The following INTS9 variants were observed in gnomAD, a reference collection of about 807,000 sequenced individuals.
The protein encoded by INTS9 is protein related to CPSF subunits of 74 kDa.
In INTS9, 55 loss-of-function variants were observed where a neutral mutation model predicts 79.7. The ratio of observed to expected loss-of-function variants is 0.69; its 90% CI spans 0.56 to 0.86. The LOEUF (loss-of-function observed/expected upper bound fraction) is 0.86, where lower values mean the gene tolerates loss of function less well. Ranked by LOEUF, INTS9 falls within the 40% of genes least tolerant of loss-of-function variation. The probability of loss-of-function intolerance (pLI) is 0.00; values close to 1 mark genes in which losing one functional copy is unlikely to be tolerated. For synonymous variants in INTS9, 319 were observed against 325.2 expected (o/e 0.98, Z 0.20); for missense variants, 721 against 831.5 (o/e 0.87, Z 1.64).
chr8:28,806,252 A>G (rs930562155), intron 8 of INTS9, among the ~76,000 whole-genome samples: 1 of 152,164 alleles, frequency 6.6e-6, no homozygotes, highest in African/African-American at 2.4e-5. Context: ...CAAAACAAAA[A>G]AAACCAGGCA....
chr8:28,883,601 T>C (rs191696074), intron 1 of INTS9, among the ~76,000 whole-genome samples: 9 of 152,352 alleles, frequency 5.9e-5, no homozygotes, highest in African/African-American at 1.7e-4. Context: ...AATACAGTTT[T>C]GACCATTACA....
intron 8 of INTS9, among the ~76,000 whole-genome samples, chr8:28,803,242 GC>G (rs1585380628): frequency 6.6e-6 from 1 of 152,194 alleles, no homozygotes; most frequent in Non-Finnish European, 1.5e-5. Context: ...AGACAGAGTA[GC>G]CAAGAAGCTA....
At position 28,769,899 on chromosome 8, in the gene INTS9, G is replaced by A. The variant is rs1307830204; in HGVS notation, c.1790C>T (p.Thr597Ile). The A allele has an allele frequency of 1.5e-5, 24 of 1,614,126 alleles. No individual in the cohort carries two copies. Among genetic ancestry groups the A allele is most frequent in the Non-Finnish European group, 2.0e-5 (24 of 1,179,992 alleles). Residue 597 changes from threonine (T) to isoleucine (I), a missense_variant, in exon 16 of 17, where the codon ACC (threonine) becomes ATC (isoleucine). By Grantham distance (89) the Thr-to-Ile change is moderately conservative. This residue lies in a region of INTS9 where 281 missense variants were observed against 300.8 expected (regional missense o/e 0.93). Transcript: ENST00000521022. Reference protein sequence around the residue: ...GSIPVEQFVQTLEKHGFSDIK... With the variant: ...GSIPVEQFVQILEKHGFSDIK... ...GCGAAACCAGCTCACCTTCTCCAGGGTCTGCACGAACTGCTCCACAGGGAT... is the reference window on the plus strand; with the variant it reads ...GCGAAACCAGCTCACCTTCTCCAGGATCTGCACGAACTGCTCCACAGGGAT...
At chr8:28,797,192 G>GA (rs1804270423) in intron 8 of INTS9, among the ~76,000 whole-genome samples, 1 of 152,074 alleles carries the variant, frequency 6.6e-6, no homozygotes, top group African/African-American at 2.4e-5. Flanking sequence ...CCGGCCTGGG[G>GA]AATCACACTT....
At chr8:28,888,362 G>C (rs1810274273) in intron 1 of INTS9, among the ~76,000 whole-genome samples, 1 of 152,100 alleles carries the variant, frequency 6.6e-6, no homozygotes. Context: ...GACCAGCCTG[G>C]GCAACATGGT....
chr8:28,768,625 C>G (rs140364077), intron 16 of INTS9, among the ~76,000 whole-genome samples: 1 of 152,210 alleles, frequency 6.6e-6, no homozygotes, highest in Non-Finnish European at 1.5e-5. Flanking sequence ...TGCACCATGC[C>G]GTTCCCTGGT....
At position 28,775,942 on chromosome 8, in the gene INTS9, G is replaced by T. The variant is rs199679008; in HGVS notation, c.1396-16C>A. The stretch of plus-strand genomic sequence containing the variant: ...CGTGCAGGGGCTGAGGAACCAATGG[G>T]ACAGTTGAGAAAGGTGGTGTGAAGT... On this transcript the variant is annotated splice_polypyrimidine_tract_variant and intron_variant, in intron 13 of 16. Transcript: ENST00000521022. The T allele has an allele frequency of 7.2e-6, 11 of 1,532,060 alleles. No homozygotes were observed. In the East Asian group the frequency reaches 2.3e-4, roughly 33 times the overall value. 94.9% of individuals were successfully genotyped at this position (1,532,060 alleles called of 1,614,324 possible). A position where few individuals can be genotyped will look rare whatever the true frequency, so the allele number is the denominator to read the frequency against.
chr8:28,814,290 A>T (rs1220905685), intron 6 of INTS9, among the ~76,000 whole-genome samples: 782 of 27,424 alleles, frequency 0.029, 8 homozygotes, highest in African/African-American at 0.048. Context: ...CTTCTCACAC[A>T]CACACACACA....
chr8:28,795,704 A>G (rs940455560), intron 9 of INTS9, among the ~76,000 whole-genome samples: 1 of 150,870 alleles, frequency 6.6e-6, no homozygotes, highest in African/African-American at 2.4e-5. Context: ...CCTCTTCTCC[A>G]CATGAGGACA....
At chr8:28,809,074 C>T (rs985379453) in intron 8 of INTS9, among the ~76,000 whole-genome samples, 8 of 152,086 alleles carry the variant, frequency 5.3e-5, no homozygotes, top group South Asian at 2.1e-4. Flanking sequence ...CTCAGCCTCC[C>T]GAGTAGCTGG....
At chr8:28,775,502 C>CT (rs1802813543) in intron 14 of INTS9, among the ~76,000 whole-genome samples, 1 of 152,038 alleles carries the variant, frequency 6.6e-6, no homozygotes, top group Admixed American at 6.6e-5. Flanking sequence ...CACCTGGCTA[C>CT]TTTTTTTGTA....
At chr8:28,881,251 TG>T (rs1462099837) in intron 1 of INTS9, among the ~76,000 whole-genome samples, 1 of 117,700 alleles carries the variant, frequency 8.5e-6, no homozygotes, top group African/African-American at 3.2e-5. Context: ...AGGAGGGAGG[TG>T]GGGGGGTCAG....
At chr8:28,821,794 A>G (rs116980529) in intron 6 of INTS9, among the ~76,000 whole-genome samples, 2,349 of 151,540 alleles carry the variant, frequency 0.016, 20 homozygotes, top group Non-Finnish European at 0.02. Context: ...TTTTTAGACA[A>G]GGTCTTGCTC....
At chr8:28,783,454 T>A (rs1803416512) in intron 11 of INTS9, 1 of 152,274 alleles carries the variant, frequency 6.6e-6, no homozygotes, top group African/African-American at 2.4e-5. Flanking sequence ...GGCTGTTTCA[T>A]GGATAAAGCA....
intron 11 of INTS9, among the ~76,000 whole-genome samples, chr8:28,781,305 T>C (rs552281026): frequency 6.6e-6 from 1 of 152,250 alleles, no homozygotes; most frequent in African/African-American, 2.4e-5. Flanking sequence ...CGTATGTCAT[T>C]AGGAAACTGC....
chr8:28,791,260 A>C (rs1362687664), intron 10 of INTS9, among the ~76,000 whole-genome samples: 1 of 152,082 alleles, frequency 6.6e-6, no homozygotes, highest in African/African-American at 2.4e-5. Context: ...TAAAATGCAC[A>C]TATAATCATG....
intron 4 of INTS9, among the ~76,000 whole-genome samples, chr8:28,839,940 T>A (rs1159647992): frequency 7.0e-6 from 1 of 143,098 alleles, no homozygotes; most frequent in Non-Finnish European, 1.5e-5. Flanking sequence ...AATTGACAAA[T>A]GGGATCTAAT....
chr8:28,838,850 T>A (rs889096947), intron 4 of INTS9, among the ~76,000 whole-genome samples: 1 of 152,170 alleles, frequency 6.6e-6, no homozygotes, highest in African/African-American at 2.4e-5. Flanking sequence ...GTTCACAATC[T>A]ACACACAACA....
At position 28,777,875 on chromosome 8, in the gene INTS9, G is replaced by A; in HGVS notation, c.1349C>T (p.Thr450Ile). The A allele has an allele frequency of 6.2e-7, 1 of 1,612,696 alleles. No homozygotes were observed. The highest frequency in any genetic ancestry group is 8.5e-7 in the Non-Finnish European group (1 of 1,179,364). Residue 450 changes from threonine to isoleucine, a missense_variant, in exon 13 of 17, where the codon ACC (threonine) becomes ATC (isoleucine). Physicochemically the swap from Thr to Ile is moderately conservative, Grantham distance 89. Coordinates refer to ENST00000521022, the MANE Select transcript of INTS9 (RefSeq NM_018250.4). ...TGACACCTGGATGAAGTTCAGCCGGGTGTCGATGGGGCAGTAGATGCATTT... is the reference window on the plus strand; with the variant it reads ...TGACACCTGGATGAAGTTCAGCCGGATGTCGATGGGGCAGTAGATGCATTT... ...AMKCIYCPID[T>I]RLNFIQVSKL...
Sources: gnomAD v4.1 joint callset for allele counts (sites outside exome capture counted in the v4.1 genomes callset) on GRCh38, gnomAD v4.1.1 for gene constraint, gnomAD v4.1.1 regional missense constraint, MANE v1.5 for transcripts, NCBI Gene and HGNC (gene_info 2026-07-23, HGNC 2026-07-21) for gene names.